The following ZSWIM5 variants were observed in gnomAD, a reference collection of about 807,000 sequenced individuals.
The protein encoded by ZSWIM5 is zinc finger SWIM domain-containing protein 5.
ZSWIM5 carries 55 observed loss-of-function variants against 119.6 expected under a neutral mutation model. That is an observed-to-expected ratio of 0.46 (90% CI 0.37 to 0.58). The LOEUF is 0.58. ZSWIM5 is among the 20% of genes least tolerant of loss of function. The pLI is 0.00. For synonymous variants in ZSWIM5, 537 were observed against 606.9 expected (o/e 0.88, Z 1.69); for missense variants, 1,193 against 1,512.8 (o/e 0.79, Z 3.51).
chr1:45,183,363 TC>T lies in ZSWIM5; in HGVS notation c.595+22392del, dbSNP rs199656967. 8.5e-3 allele frequency among the ~76,000 whole-genome samples: 1,285 copies of T among 151,548 alleles called. 19 individuals carry two copies. Among genetic ancestry groups the T allele is most frequent in the African/African-American group, 0.028 (1,151 of 41,282 alleles). On this transcript the variant is annotated intron_variant, in intron 1 of 13. Transcript: ENST00000359600. The stretch of plus-strand genomic sequence containing the variant: ...ACTAGAAAAGCAAGAGCAAACACAT[TC>T]AAAAACTAGCAGAAGGCAAGAAATA...
intron 1 of ZSWIM5, among the ~76,000 whole-genome samples, chr1:45,168,450 T>C (rs1645923285): frequency 6.6e-6 from 1 of 151,770 alleles, no homozygotes; most frequent in Non-Finnish European, 1.5e-5. Flanking sequence ...TTGCATGTTG[T>C]GCACATGTAC....
Position 45,088,454 on chromosome 1 carries a change from A to C in ZSWIM5, c.596-217T>G, listed in dbSNP as rs1280463145. 6.6e-6 allele frequency among the ~76,000 whole-genome samples: 1 copy of C among 152,184 alleles called. No individual in the cohort carries two copies. Among genetic ancestry groups the C allele is most frequent in the Non-Finnish European group, 1.5e-5 (1 of 68,040 alleles). The stretch of plus-strand genomic sequence containing the variant: ...AAGAGTCCTCACCCTGGAGTTCGTG[A>C]ACCTCCTGAACTCACACTGATATGA... On this transcript the variant is annotated intron_variant, in intron 1 of 13. Coordinates refer to ENST00000359600, the MANE Select transcript of ZSWIM5 (RefSeq NM_020883.2). This position sits in a 1 kb window ranked among gnomAD's most constrained non-coding sequence, Gnocchi z 4.2.
Position 45,182,764 on chromosome 1 carries a change from C to T in ZSWIM5, c.595+22992G>A, listed in dbSNP as rs1166389893. Among the ~76,000 whole-genome samples the T allele has an allele frequency of 1.4e-4, 22 of 152,134 alleles. 1 individual carries two copies. The Middle Eastern group carries it at 0.01, about 71-fold the overall frequency. ...ATTCATAAAGCAAGTCCTGAGTGAC[C>T]TACAAAGAGACTTAGACTCCCACAC... On this transcript the variant is annotated intron_variant, in intron 1 of 13. Coordinates refer to ENST00000359600, the MANE Select transcript of ZSWIM5 (RefSeq NM_020883.2).
chr1:45,082,155 C>A (rs2149009175), intron 2 of ZSWIM5, among the ~76,000 whole-genome samples: 2 of 151,196 alleles, frequency 1.3e-5, no homozygotes, highest in East Asian at 1.9e-4. Flanking sequence ...TCATCACACT[C>A]CCTAATCTCA....
chr1:45,206,488 C>A lies in ZSWIM5; in HGVS notation c.-138G>T. ...CGGGGCGAGAGAACCCGCGAGCCAGCCGGCCCGAGTGGGGAACCGCGGCCG... is the reference window on the plus strand; with the variant it reads ...CGGGGCGAGAGAACCCGCGAGCCAGACGGCCCGAGTGGGGAACCGCGGCCG... On this transcript the variant is annotated 5_prime_UTR_variant, in exon 1 of 14. Coordinates refer to ENST00000359600, the MANE Select transcript of ZSWIM5 (RefSeq NM_020883.2). 8.6e-7 allele frequency: 1 copy of A among 1,164,456 alleles called. No individual in the cohort carries two copies. The highest frequency in any genetic ancestry group is 1.1e-6 in the Non-Finnish European group (1 of 945,530). The allele number at this position is 1,164,456 out of a possible 1,614,324, so 72.1% of individuals were successfully genotyped here. A position where few individuals can be genotyped will look rare whatever the true frequency, so the allele number is the denominator to read the frequency against.
intron 2 of ZSWIM5, among the ~76,000 whole-genome samples, chr1:45,069,766 G>GA (rs889775756): frequency 6.6e-5 from 10 of 151,170 alleles, no homozygotes; most frequent in South Asian, 2.1e-4. Flanking sequence ...AGGTCAGCAG[G>GA]AAAAAAAAAT....
chr1:45,085,528 GTTTTT>G (rs771375917), intron 2 of ZSWIM5, among the ~76,000 whole-genome samples: 1 of 112,756 alleles, frequency 8.9e-6, no homozygotes. Context: ...TAGTTTGTTT[GTTTTT>G]TTTTTTTTTT....
At chr1:45,189,532 G>C (rs1646078860) in intron 1 of ZSWIM5, among the ~76,000 whole-genome samples, 1 of 152,054 alleles carries the variant, frequency 6.6e-6, no homozygotes, top group African/African-American at 2.4e-5. Flanking sequence ...GAGGTAGGTG[G>C]ATCACTTGAG....
chr1:45,179,504 C>T (rs1557790407), intron 1 of ZSWIM5, among the ~76,000 whole-genome samples: 1 of 152,094 alleles, frequency 6.6e-6, no homozygotes. Flanking sequence ...TGCTCACTAC[C>T]TGGGTAACAG....
chr1:45,043,334 A>G lies in ZSWIM5; in HGVS notation c.1494T>C (p.His498=). 2 of 1,614,246 alleles carry G rather than the reference A, an allele frequency of 1.2e-6. No individual in the cohort carries two copies. The highest frequency in any genetic ancestry group is 1.7e-6 in the Non-Finnish European group (2 of 1,180,036). ...FTRAIEGREL[H]WQDSHLQRII... ...TTCGCTGTAGGTGGCTATCCTGCCA[A>G]TGTAATTCACGCCCCTCAATGGCTC... Residue 498 remains histidine, a synonymous_variant, in exon 6 of 14, where the codon CAT becomes CAC. Coordinates refer to ENST00000359600, the MANE Select transcript of ZSWIM5 (RefSeq NM_020883.2).
chr1:45,084,766 C>T (rs774167229), intron 2 of ZSWIM5, among the ~76,000 whole-genome samples: 1 of 152,222 alleles, frequency 6.6e-6, no homozygotes, highest in Non-Finnish European at 1.5e-5. Flanking sequence ...TGGGTAGGCA[C>T]CTAAGGCCTT....
At chr1:45,165,242 GA>G (rs1645893690) in intron 1 of ZSWIM5, among the ~76,000 whole-genome samples, 1 of 152,094 alleles carries the variant, frequency 6.6e-6, no homozygotes, top group African/African-American at 2.4e-5. Flanking sequence ...AATGAAGGCA[GA>G]AATAAAGATG....
At chr1:45,177,973 G>T (rs996244502) in intron 1 of ZSWIM5, among the ~76,000 whole-genome samples, 3 of 151,688 alleles carry the variant, frequency 2.0e-5, no homozygotes, top group African/African-American at 7.2e-5. Context: ...GATCTCAGGT[G>T]ATCTGCCTGC....
intron 1 of ZSWIM5, among the ~76,000 whole-genome samples, chr1:45,103,400 T>C (rs1157588786): frequency 6.6e-6 from 1 of 152,160 alleles, no homozygotes; most frequent in Non-Finnish European, 1.5e-5. Context: ...ATAAGAAAAC[T>C]AGGATAAGAG....
rs1159062251 is a variant in ZSWIM5, at chr1:45,016,972, T to G, written c.*1482A>C. 6.6e-6 allele frequency: 1 copy of G among 152,422 alleles called. No homozygotes were observed. Among genetic ancestry groups the G allele is most frequent in the East Asian group, 1.9e-4 (1 of 5,196 alleles). 9.4% of individuals were successfully genotyped at this position (152,422 alleles called of 1,614,324 possible). On this transcript the variant is annotated 3_prime_UTR_variant, in exon 14 of 14. Transcript: ENST00000359600. ...CCTCCAAGTCAGCGAGCAATGAGACTGTGACAAAAGCCGGCGAGGAAGCTT... is the reference window on the plus strand; with the variant it reads ...CCTCCAAGTCAGCGAGCAATGAGACGGTGACAAAAGCCGGCGAGGAAGCTT...
At chr1:45,145,959 T>C (rs773637892) in intron 1 of ZSWIM5, among the ~76,000 whole-genome samples, 4 of 152,116 alleles carry the variant, frequency 2.6e-5, no homozygotes, top group Non-Finnish European at 5.9e-5. Flanking sequence ...GAATCAAGGA[T>C]GACAGTGATC....
At position 45,036,266 on chromosome 1, in the gene ZSWIM5, T is replaced by C. The variant is rs796208296; in HGVS notation, c.1928A>G (p.His643Arg). 12 of 1,613,804 alleles carry C rather than the reference T, an allele frequency of 7.4e-6. No homozygotes were observed. Among genetic ancestry groups the C allele is most frequent in the Admixed American group, 6.7e-5 (4 of 59,992 alleles). The change falls in exon 9 of 14, where the codon CAT (histidine) becomes CGT (arginine). Residue 643 changes from histidine (H) to arginine (R), a missense_variant. His to Arg is a conservative substitution (Grantham distance 29, BLOSUM62 0). Around this residue, in one of 2 missense-constraint regions of ZSWIM5, gnomAD observed 961 missense variants for 1,290.0 expected, o/e 0.74. Transcript: ENST00000359600. The part of the protein sequence containing the change: ...MNESRPPVYQ[H>R]VPVAAGSPNS... ...TGGGGAGCCTGCAGCCACAGGTACATGCTGGTACACAGGGGGTCTGCTTTC... is the reference window on the plus strand; with the variant it reads ...TGGGGAGCCTGCAGCCACAGGTACACGCTGGTACACAGGGGGTCTGCTTTC...
chr1:45,151,448 A>G (rs954374586), intron 1 of ZSWIM5, among the ~76,000 whole-genome samples: 2 of 152,074 alleles, frequency 1.3e-5, no homozygotes, highest in African/African-American at 4.8e-5. Context: ...AAGTGCCTAT[A>G]ATATACCCCT....
chr1:45,116,033 T>C (rs910633085), intron 1 of ZSWIM5, among the ~76,000 whole-genome samples: 1 of 151,216 alleles, frequency 6.6e-6, no homozygotes, highest in African/African-American at 2.4e-5. Context: ...GGCAGGGAGG[T>C]TGCAGTGAGC....
Sources: allele counts gnomAD v4.1 joint callset (sites outside exome capture counted in the v4.1 genomes callset), GRCh38; gene constraint gnomAD v4.1.1; regional missense constraint gnomAD v4.1.1; non-coding constraint Gnocchi (gnomAD v3.1); transcripts MANE v1.5; gene names NCBI Gene and HGNC (gene_info 2026-07-23, HGNC 2026-07-21).